Variants in BRINP3 observed in about 807,000 individuals in gnomAD.
The protein encoded by BRINP3 is BMP/retinoic acid-inducible neural-specific protein 3.
A neutral mutation model predicts 71.0 loss-of-function variants in BRINP3; 19 were observed. The ratio of observed to expected loss-of-function variants is 0.27; its 90% CI spans 0.19 to 0.39. BRINP3 has a LOEUF of 0.39. Among genes scored for constraint, BRINP3 ranks in the 10% least tolerant of loss-of-function variants. BRINP3 has a pLI of 1.00. For synonymous variants in BRINP3, 380 were observed against 337.7 expected, an observed-to-expected ratio of 1.13 and a Z score of -1.37; for missense variants, 959 against 940.8, an observed-to-expected ratio of 1.02 and a Z score of -0.25.
At chr1:190,182,762 A>G (rs1398030725) in intron 6 of BRINP3, among the ~76,000 whole-genome samples, 1 of 152,102 alleles carries the variant, frequency 6.6e-6, no homozygotes, top group Non-Finnish European at 1.5e-5. Flanking sequence ...CCTTACCAGA[A>G]AGACAAACAA....
intron 3 of BRINP3, among the ~76,000 whole-genome samples, chr1:190,267,647 G>A (rs1369707787): frequency 6.6e-6 from 1 of 151,678 alleles, no homozygotes; most frequent in African/African-American, 2.4e-5. Flanking sequence ...TCTTTCAGGA[G>A]AAAAAACACC....
At chr1:190,110,902 C>CA (rs1357616844) in intron 7 of BRINP3, among the ~76,000 whole-genome samples, 6 of 152,140 alleles carry the variant, frequency 3.9e-5, no homozygotes, top group Non-Finnish European at 5.9e-5. Flanking sequence ...ATAAACCTGT[C>CA]AAAAAACTAT....
chr1:190,161,583 C>G (rs1445952038), intron 6 of BRINP3, among the ~76,000 whole-genome samples: 1 of 151,742 alleles, frequency 6.6e-6, no homozygotes, highest in African/African-American at 2.4e-5. Flanking sequence ...GTTTTTGAGT[C>G]AATAATTGTG....
chr1:190,381,768 A>G (rs1004642082), intron 2 of BRINP3, among the ~76,000 whole-genome samples: 6 of 152,182 alleles, frequency 3.9e-5, no homozygotes, highest in Non-Finnish European at 8.8e-5. Flanking sequence ...TTCATTTAAC[A>G]CACACGGATG....
chr1:190,300,547 G>A (rs946247440), intron 2 of BRINP3, among the ~76,000 whole-genome samples: 1 of 152,146 alleles, frequency 6.6e-6, no homozygotes, highest in Non-Finnish European at 1.5e-5. Context: ...TTTGAAGAGA[G>A]CAGTGGTTCT....
At chr1:190,325,609 T>C (rs1344424047) in intron 2 of BRINP3, among the ~76,000 whole-genome samples, 1 of 152,078 alleles carries the variant, frequency 6.6e-6, no homozygotes, top group African/African-American at 2.4e-5. Context: ...ACAGAAAGCC[T>C]GGACCACTCG....
At chr1:190,216,389 G>T (rs114582417) in intron 6 of BRINP3, among the ~76,000 whole-genome samples, 1,594 of 151,444 alleles carry the variant, frequency 0.011, 25 homozygotes, top group African/African-American at 0.036. Flanking sequence ...TGTAATTAAT[G>T]TTATGTATAT....
At position 190,146,633 on chromosome 1, in the gene BRINP3, G is replaced by A. The variant is rs1035443295; in HGVS notation, c.1184+14035C>T. On this transcript the variant is annotated intron_variant, in intron 7 of 7. Coordinates refer to ENST00000367462, the MANE Select transcript of BRINP3 (RefSeq NM_199051.3). ...GTAAGGAAAGTATTCATTATAGGTA[G>A]GAAACTGAAGTCAAAAGAGATTAAG... Among the ~76,000 whole-genome samples the A allele has an allele frequency of 1.0e-3, 154 of 152,034 alleles. 1 individual carries two copies. Among genetic ancestry groups the A allele is most frequent in the Non-Finnish European group, 2.2e-4 (15 of 67,944 alleles).
At chr1:190,148,615 A>G in intron 7 of BRINP3, among the ~76,000 whole-genome samples, 1 of 144,702 alleles carries the variant, frequency 6.9e-6, no homozygotes, top group Admixed American at 6.8e-5. Flanking sequence ...AAATAAATAA[A>G]TAAATAAATA....
intron 7 of BRINP3, among the ~76,000 whole-genome samples, chr1:190,151,224 A>C (rs1460629901): frequency 1.3e-5 from 2 of 152,204 alleles, no homozygotes; most frequent in Non-Finnish European, 2.9e-5. Flanking sequence ...CTTATTCAAA[A>C]ACAAGTAAAA....
At chr1:190,238,429 C>T (rs1029529212) in intron 4 of BRINP3, among the ~76,000 whole-genome samples, 1 of 151,908 alleles carries the variant, frequency 6.6e-6, no homozygotes, top group Non-Finnish European at 1.5e-5. Flanking sequence ...TGGCTCATAT[C>T]TAGAATATAT....
intron 6 of BRINP3, among the ~76,000 whole-genome samples, chr1:190,178,829 A>G (rs1558039042): frequency 6.6e-6 from 1 of 152,166 alleles, no homozygotes; most frequent in Non-Finnish European, 1.5e-5. Flanking sequence ...TAATGAAAAA[A>G]GTCAAGAGAA....
intron 3 of BRINP3, among the ~76,000 whole-genome samples, chr1:190,271,619 TC>T (rs1208234875): frequency 2.6e-5 from 4 of 151,704 alleles, no homozygotes; most frequent in African/African-American, 7.2e-5. Context: ...TTTAACCCTG[TC>T]CTATAGTCTG....
rs114824400 is a variant in BRINP3, at chr1:190,173,194, C to T, written c.962-12304G>A. Among the ~76,000 whole-genome samples, 513 of 152,252 alleles carry T rather than the reference C, an allele frequency of 3.4e-3. 3 individuals carry two copies. Among genetic ancestry groups the T allele is most frequent in the African/African-American group, 0.012 (499 of 41,548 alleles). ...ACACACATTCTTCACTCATTACAAC[C>T]GGAACACTGATTCTGTTGTGGATAG... On this transcript the variant is annotated intron_variant, in intron 6 of 7. Coordinates refer to ENST00000367462, the MANE Select transcript of BRINP3 (RefSeq NM_199051.3).
At chr1:190,197,529 C>A (rs1654597823) in intron 6 of BRINP3, among the ~76,000 whole-genome samples, 1 of 152,168 alleles carries the variant, frequency 6.6e-6, no homozygotes, top group Non-Finnish European at 1.5e-5. Flanking sequence ...TACAGCCATT[C>A]CAAATCGGGG....
At chr1:190,249,531 C>T (rs1659924931) in intron 4 of BRINP3, among the ~76,000 whole-genome samples, 1 of 151,648 alleles carries the variant, frequency 6.6e-6, no homozygotes, top group South Asian at 2.1e-4. Flanking sequence ...CTGTTATAAG[C>T]ATCAAGAAAA....
chr1:190,151,172 A>G (rs1656361258), intron 7 of BRINP3, among the ~76,000 whole-genome samples: 1 of 152,094 alleles, frequency 6.6e-6, no homozygotes, highest in South Asian at 2.1e-4. Flanking sequence ...AGAAAAAATG[A>G]TGTTCAGATT....
At chr1:190,168,513 T>C (rs966016318) in intron 6 of BRINP3, among the ~76,000 whole-genome samples, 3 of 152,162 alleles carry the variant, frequency 2.0e-5, no homozygotes, top group African/African-American at 7.2e-5. Flanking sequence ...CAATAAAGAC[T>C]GTAACCCATA....
At chr1:190,236,950 G>C (rs1236018729) in intron 4 of BRINP3, among the ~76,000 whole-genome samples, 2 of 151,776 alleles carry the variant, frequency 1.3e-5, no homozygotes, top group Non-Finnish European at 1.5e-5. Flanking sequence ...CATACTCATT[G>C]ACATAGTGAT....
Sources: allele counts gnomAD v4.1 joint callset (sites outside exome capture counted in the v4.1 genomes callset), GRCh38; gene constraint gnomAD v4.1.1; transcripts MANE v1.5; gene names NCBI Gene and HGNC (gene_info 2026-07-23, HGNC 2026-07-21).